The following DAB1 variants were observed in gnomAD, a reference collection of about 807,000 sequenced individuals.
DAB1 encodes disabled homolog 1.
DAB1 carries 15 observed loss-of-function variants against 64.6 expected under a neutral mutation model. That is an observed-to-expected ratio of 0.23 (90% confidence interval 0.16 to 0.36). DAB1 has a LOEUF of 0.36. Among genes scored for constraint, DAB1 ranks in the 10% least tolerant of loss-of-function variants. The pLI, the probability that DAB1 is intolerant of heterozygous loss-of-function variation, is 1.00. For synonymous variants in DAB1, 235 were observed against 251.9 expected, an observed-to-expected ratio of 0.93 and a Z score of 0.64; for missense variants, 596 against 706.7, an observed-to-expected ratio of 0.84 and a Z score of 1.78.
intron 3 of DAB1, among the ~76,000 whole-genome samples, chr1:57,139,491 C>T (rs1326154954): frequency 2.6e-5 from 4 of 152,218 alleles, no homozygotes; most frequent in South Asian, 2.1e-4. Context: ...GCAGCACAAA[C>T]GGACTAAGAA....
At chr1:57,916,277 A>G (rs1466773459) in intron 5 of DAB1, among the ~76,000 whole-genome samples, 1 of 152,146 alleles carries the variant, frequency 6.6e-6, no homozygotes, top group Non-Finnish European at 1.5e-5. Flanking sequence ...TCTCCCAGAC[A>G]ATGAAATTAC....
intron 5 of DAB1, among the ~76,000 whole-genome samples, chr1:58,090,226 A>G (rs1650568627): frequency 6.6e-6 from 1 of 152,096 alleles, no homozygotes; most frequent in Admixed American, 6.5e-5. Flanking sequence ...GAAAAAATCC[A>G]TTTAAACAAA....
At chr1:57,627,349 T>C (rs1222125059) in intron 7 of DAB1, among the ~76,000 whole-genome samples, 1 of 152,168 alleles carries the variant, frequency 6.6e-6, no homozygotes, top group African/African-American at 2.4e-5. Context: ...CCCAATTCTG[T>C]ATAATAAATC....
intron 4 of DAB1, among the ~76,000 whole-genome samples, chr1:58,338,058 T>C (rs987781340): frequency 6.6e-6 from 1 of 152,104 alleles, no homozygotes; most frequent in African/African-American, 2.4e-5. Flanking sequence ...AGACAACTCT[T>C]CATTTCAAAA....
At chr1:57,896,205 A>G (rs1441904929) in intron 5 of DAB1, among the ~76,000 whole-genome samples, 2 of 152,126 alleles carry the variant, frequency 1.3e-5, no homozygotes, top group East Asian at 1.9e-4. Flanking sequence ...TCTTTATGTC[A>G]ACCAAGGGTG....
At chr1:58,473,950 A>G (rs1051710346) in intron 3 of DAB1, 20 of 1,269,692 alleles carry the variant, frequency 1.6e-5, no homozygotes, top group Non-Finnish European at 1.9e-5. Flanking sequence ...TGTTCAATAA[A>G]CTTCTCTTCC....
intron 1 of DAB1, among the ~76,000 whole-genome samples, chr1:58,529,626 A>C (rs1394847002): frequency 6.6e-6 from 1 of 152,248 alleles, no homozygotes; most frequent in Admixed American, 6.5e-5. Context: ...ATTAAAGTTC[A>C]GAGGTTTTAA....
At chr1:57,662,894 A>G (rs1205710847) in intron 6 of DAB1, among the ~76,000 whole-genome samples, 1 of 152,144 alleles carries the variant, frequency 6.6e-6, no homozygotes, top group East Asian at 1.9e-4. Context: ...TTTTTCCTCT[A>G]CCAATATTTT....
chr1:57,626,508 G>A (rs1211607749), intron 7 of DAB1, among the ~76,000 whole-genome samples: 2 of 152,190 alleles, frequency 1.3e-5, no homozygotes, highest in Non-Finnish European at 2.9e-5. Context: ...GGCAGCTAGC[G>A]AAACTGGACC....
chr1:57,264,788 T>A (rs1670461980), intron 2 of DAB1, among the ~76,000 whole-genome samples: 1 of 152,210 alleles, frequency 6.6e-6, no homozygotes, highest in Non-Finnish European at 1.5e-5. Context: ...TTTTCTTTGA[T>A]TCCCTGATGT....
At chr1:58,256,114 G>A (rs1660922295) in intron 4 of DAB1, among the ~76,000 whole-genome samples, 1 of 151,624 alleles carries the variant, frequency 6.6e-6, no homozygotes, top group Non-Finnish European at 1.5e-5. Context: ...GGGAGAGAGG[G>A]GACTAAGAGC....
intron 7 of DAB1, among the ~76,000 whole-genome samples, chr1:57,458,729 T>C (rs1686684601): frequency 6.6e-6 from 1 of 152,102 alleles, no homozygotes. Flanking sequence ...ACGTATTAAA[T>C]TATGCATTAT....
chr1:57,641,638 T>G lies in DAB1; in HGVS notation n.625+7954A>C, dbSNP rs188956985. ...TGATCATGTGATCTGCCCACCTCAG[T>G]CTCCCAAAGTGCTGGTTCCTTTTTT... On this transcript the variant is annotated intron_variant and non_coding_transcript_variant, in intron 7 of 20. Coordinates refer to the DAB1 transcript ENST00000485760. Among the ~76,000 whole-genome samples, 153 of 151,882 alleles carry G rather than the reference T, an allele frequency of 1.0e-3. 1 individual carries two copies. Among genetic ancestry groups the G allele is most frequent in the Admixed American group, 2.4e-3 (36 of 15,246 alleles).
intron 5 of DAB1, among the ~76,000 whole-genome samples, chr1:58,023,793 A>G (rs1386260152): frequency 1.3e-5 from 2 of 152,232 alleles, no homozygotes; most frequent in African/African-American, 2.4e-5. Flanking sequence ...CCTTGGACCC[A>G]GCATCTAACT....
At chr1:57,109,215 G>T (rs543340566) in intron 4 of DAB1, among the ~76,000 whole-genome samples, 2 of 152,296 alleles carry the variant, frequency 1.3e-5, no homozygotes, top group Admixed American at 1.3e-4. Flanking sequence ...CTGAGGACCA[G>T]CAGCCAGGGG....
intron 6 of DAB1, among the ~76,000 whole-genome samples, chr1:57,708,682 A>G (rs1000394995): frequency 6.6e-6 from 1 of 152,176 alleles, no homozygotes; most frequent in Admixed American, 6.5e-5. Context: ...CCTGGGTGCC[A>G]GCAGAATTCT....
intron 9 of DAB1, among the ~76,000 whole-genome samples, chr1:57,045,437 C>T (rs1451185037): frequency 6.6e-6 from 1 of 152,126 alleles, no homozygotes; most frequent in African/African-American, 2.4e-5. Flanking sequence ...GTGGCTCATG[C>T]CTGTAATCCT....
At chr1:57,669,177 A>G (rs912721005) in intron 6 of DAB1, among the ~76,000 whole-genome samples, 24 of 152,102 alleles carry the variant, frequency 1.6e-4, no homozygotes, top group African/African-American at 5.8e-4. Context: ...AGCCAATTCA[A>G]TCTTGTCTCA....
In DAB1 at chr1:58,424,138, T is replaced by G. The variant is rs938951461; in HGVS notation, n.258-80735A>C. 1.3e-5 allele frequency among the ~76,000 whole-genome samples: 2 copies of G among 152,100 alleles called. 1 individual carries two copies. Among genetic ancestry groups the G allele is most frequent in the East Asian group, 3.9e-4 (2 of 5,194 alleles). ...AGTTCCAAGCTGATGGCCAGTTTGC[T>G]CAACATCCAGGAAGAGCTACCATTT... On this transcript the variant is annotated intron_variant and non_coding_transcript_variant, in intron 3 of 20. Coordinates refer to the DAB1 transcript ENST00000485760.
Sources: gnomAD v4.1 joint callset for allele counts (sites outside exome capture counted in the v4.1 genomes callset) on GRCh38, gnomAD v4.1.1 for gene constraint, MANE v1.5 for transcripts, NCBI Gene and HGNC (gene_info 2026-07-23, HGNC 2026-07-21) for gene names.